Variants in VPS13B observed in about 807,000 individuals in gnomAD.
VPS13B encodes the protein vacuolar protein sorting 13 homolog B.
VPS13B carries 285 observed loss-of-function variants against 426.4 expected under a neutral mutation model. The ratio of observed to expected loss-of-function variants is 0.67; its 90% confidence interval spans 0.61 to 0.74. VPS13B has a LOEUF of 0.74. Among genes scored for constraint, VPS13B ranks in the 30% least tolerant of loss-of-function variants. The pLI, the probability that VPS13B is intolerant of heterozygous loss-of-function variation, is 0.00. For missense variants in VPS13B, 4,537 were observed against 4,782.6 expected (o/e 0.95, Z 1.51); for synonymous variants, 1,676 against 1,676.4 (o/e 1.00, Z 0.01).
At chr8:99,591,029 G>T (rs1173940977) in intron 33 of VPS13B, among the ~76,000 whole-genome samples, 1 of 151,964 alleles carries the variant, frequency 6.6e-6, no homozygotes, top group Non-Finnish European at 1.5e-5. Flanking sequence ...CATGTGTTGG[G>T]TGTATATATA....
At chr8:99,734,028 T>A (rs956543829) in intron 39 of VPS13B, among the ~76,000 whole-genome samples, 1 of 152,196 alleles carries the variant, frequency 6.6e-6, no homozygotes, top group African/African-American at 2.4e-5. Flanking sequence ...CTTCTGGTCT[T>A]CCCAACCCCC....
At chr8:99,263,970 C>T (rs1316448036) in intron 17 of VPS13B, among the ~76,000 whole-genome samples, 5 of 151,992 alleles carry the variant, frequency 3.3e-5, no homozygotes, top group East Asian at 1.9e-4. Context: ...TCAGTATGAA[C>T]GTATTATAAA....
At chr8:99,672,985 C>T (rs187929608) in intron 35 of VPS13B, among the ~76,000 whole-genome samples, 4 of 151,832 alleles carry the variant, frequency 2.6e-5, no homozygotes, top group South Asian at 2.1e-4. Flanking sequence ...TGATGACACC[C>T]GCTTGATCAC....
chr8:99,617,988 A>G (rs1041813703), intron 33 of VPS13B, among the ~76,000 whole-genome samples: 1 of 152,082 alleles, frequency 6.6e-6, no homozygotes, highest in African/African-American at 2.4e-5. Flanking sequence ...CTCTGTTCCC[A>G]GAAAAATGTA....
At chr8:99,042,501 A>T (rs1350438641) in intron 3 of VPS13B, among the ~76,000 whole-genome samples, 1 of 152,184 alleles carries the variant, frequency 6.6e-6, no homozygotes, top group African/African-American at 2.4e-5. Context: ...CTTTTATCTC[A>T]TGTACCTACA....
intron 17 of VPS13B, among the ~76,000 whole-genome samples, chr8:99,268,021 C>T (rs530646678): frequency 3.8e-4 from 58 of 152,272 alleles, no homozygotes; most frequent in Non-Finnish European, 7.2e-4. Flanking sequence ...CAAGGTAGAG[C>T]TCAGGATGTT....
At chr8:99,585,091 T>TA (rs1308080713) in intron 33 of VPS13B, among the ~76,000 whole-genome samples, 1 of 152,152 alleles carries the variant, frequency 6.6e-6, no homozygotes, top group Non-Finnish European at 1.5e-5. Flanking sequence ...TTGCCATCAA[T>TA]AAAAAATAGT....
intron 15 of VPS13B, among the ~76,000 whole-genome samples, chr8:99,167,425 G>T (rs1437879176): frequency 6.6e-6 from 1 of 151,572 alleles, no homozygotes; most frequent in African/African-American, 2.4e-5. Flanking sequence ...TTTATTTAAT[G>T]GTATAAAACT....
intron 3 of VPS13B, chr8:99,092,089 T>C (rs1846180200): frequency 6.6e-6 from 1 of 152,204 alleles, no homozygotes; most frequent in Non-Finnish European, 1.5e-5. Context: ...CTAGTTTTAG[T>C]TGACAAACCC....
intron 2 of VPS13B, among the ~76,000 whole-genome samples, chr8:99,037,251 C>CT (rs1441639043): frequency 1.3e-5 from 2 of 151,852 alleles, no homozygotes; most frequent in South Asian, 2.1e-4. Context: ...TAACAATAGA[C>CT]TTAATAGCTG....
At chr8:99,313,094 T>C (rs1365567583) in intron 19 of VPS13B, among the ~76,000 whole-genome samples, 2 of 152,190 alleles carry the variant, frequency 1.3e-5, no homozygotes, top group Non-Finnish European at 2.9e-5. Context: ...GGTTTTCAGC[T>C]TCTTTGAGAT....
intron 25 of VPS13B, among the ~76,000 whole-genome samples, chr8:99,484,508 CTTAAAA>C (rs1820197219): frequency 6.6e-6 from 1 of 152,034 alleles, no homozygotes; most frequent in Admixed American, 6.5e-5. Context: ...TGAGAAGTAC[CTTAAAA>C]CAATTTAGCT....
intron 22 of VPS13B, among the ~76,000 whole-genome samples, chr8:99,433,591 T>A (rs935475379): frequency 9.9e-5 from 15 of 152,112 alleles, no homozygotes; most frequent in Non-Finnish European, 1.9e-4. Flanking sequence ...CTAATAGAAA[T>A]TTACTGCAAG....
intron 19 of VPS13B, among the ~76,000 whole-genome samples, chr8:99,311,133 T>C (rs1820948138): frequency 6.6e-6 from 1 of 152,158 alleles, no homozygotes; most frequent in South Asian, 2.1e-4. Context: ...CCTGGATTCG[T>C]TGATTTTTTG....
chr8:99,306,806 A>T (rs1379112489), intron 19 of VPS13B, among the ~76,000 whole-genome samples: 1 of 152,080 alleles, frequency 6.6e-6, no homozygotes, highest in East Asian at 1.9e-4. Flanking sequence ...CAGAACTTAT[A>T]CTAAAAAATT....
chr8:99,258,699 A>C (rs1158387655), intron 17 of VPS13B, among the ~76,000 whole-genome samples: 2 of 152,094 alleles, frequency 1.3e-5, no homozygotes, highest in Non-Finnish European at 2.9e-5. Flanking sequence ...TGACTATATT[A>C]CTACCTGAAA....
chr8:99,586,835 A>T (rs1588521597), intron 33 of VPS13B, among the ~76,000 whole-genome samples: 1 of 151,854 alleles, frequency 6.6e-6, no homozygotes, highest in Non-Finnish European at 1.5e-5. Flanking sequence ...AAAGAAAACT[A>T]TTTTTTTTAT....
chr8:99,639,634 A>G (rs1829220394), intron 33 of VPS13B, among the ~76,000 whole-genome samples: 1 of 148,926 alleles, frequency 6.7e-6, no homozygotes, highest in Non-Finnish European at 1.5e-5. Flanking sequence ...TGTTATATAT[A>G]TATAAGTTAT....
At chr8:99,671,893 A>G (rs1225215724) in intron 35 of VPS13B, among the ~76,000 whole-genome samples, 1 of 152,068 alleles carries the variant, frequency 6.6e-6, no homozygotes, top group African/African-American at 2.4e-5. Flanking sequence ...TCCTTTCCCC[A>G]TTTTGTGTTC....
Sources: allele counts gnomAD v4.1 joint callset (sites outside exome capture counted in the v4.1 genomes callset), GRCh38; gene constraint gnomAD v4.1.1; transcripts MANE v1.5; gene names NCBI Gene and HGNC (gene_info 2026-07-23, HGNC 2026-07-21).